Variants in GLB1L3 observed in about 807,000 individuals in gnomAD.
GLB1L3 encodes the protein beta-galactosidase-1-like protein 3.
Under a neutral mutation model 89.5 loss-of-function variants are expected in GLB1L3, and 89 were observed. The ratio of observed to expected loss-of-function variants is 0.99; its 90% CI spans 0.84 to 1.19. GLB1L3 has a LOEUF of 1.19. Ranked by LOEUF, GLB1L3 falls within the 50% of genes most tolerant of loss-of-function variation. The pLI is 0.00. For missense variants in GLB1L3, 812 were observed against 813.3 expected (o/e 1.00, Z 0.02); for synonymous variants, 314 against 312.3 (o/e 1.01, Z -0.06).
chr11:134,316,140 C>T (rs139888735), intron 18 of GLB1L3, among the ~76,000 whole-genome samples: 37 of 152,044 alleles, frequency 2.4e-4, no homozygotes, highest in African/African-American at 7.7e-4. Flanking sequence ...CTTCTCCCAC[C>T]GCCTGGCAAC....
chr11:134,293,400 ACCT>A (rs1228890811), intron 9 of GLB1L3, among the ~76,000 whole-genome samples, 191 bp downstream of exon 9: 1 of 151,788 alleles, frequency 6.6e-6, no homozygotes, highest in African/African-American at 2.4e-5. Context: ...TGCTTGTGTC[ACCT>A]CCGCTTGTGG....
At chr11:134,281,930 C>G in intron 4 of GLB1L3, 95 bp from the exon 5 acceptor site, 1 of 1,033,848 alleles carries the variant, frequency 9.7e-7, no homozygotes, top group Non-Finnish European at 1.4e-6. Flanking sequence ...CCCTTCGCCC[C>G]ACCAGGCAGC....
At position 134,277,686 on chromosome 11, in the gene GLB1L3, C is replaced by T. The variant is rs1940453975; in HGVS notation, c.150-14C>T. ...CTCCCTTTCCACTTTCTTTCCCTCGCCCGCCCCCTCCAGGTTTAATTGGTC... is the reference window on the plus strand; with the variant it reads ...CTCCCTTTCCACTTTCTTTCCCTCGTCCGCCCCCTCCAGGTTTAATTGGTC... On this transcript the variant is annotated splice_polypyrimidine_tract_variant and intron_variant, in intron 2 of 19. Transcript: ENST00000431683. 6.3e-7 allele frequency: 1 copy of T among 1,594,310 alleles called. No individual in the cohort carries two copies. Among genetic ancestry groups the T allele is most frequent in the Non-Finnish European group, 8.5e-7 (1 of 1,169,732 alleles).
intron 18 of GLB1L3, chr11:134,316,655 G>A (rs1351738720): frequency 1.3e-5 from 2 of 152,166 alleles, no homozygotes; most frequent in East Asian, 3.8e-4. Context: ...ATTTTGTAAG[G>A]AGCTGGCAGG....
At chr11:134,281,896 G>C in intron 4 of GLB1L3, 129 bp from the exon 5 acceptor site, 1 of 732,736 alleles carries the variant, frequency 1.4e-6, no homozygotes, top group Non-Finnish European at 2.2e-6. Context: ...GAGTCCCCAC[G>C]CTTTGGGGGT....
intron 9 of GLB1L3, among the ~76,000 whole-genome samples, chr11:134,306,030 G>T (rs544127743): frequency 5.3e-5 from 8 of 152,240 alleles, no homozygotes; most frequent in African/African-American, 1.9e-4. Context: ...AAAGAGCATG[G>T]AGGAAAGGAA....
intron 12 of GLB1L3, 107 bp from the exon 13 acceptor site, chr11:134,310,957 T>G: frequency 1.3e-6 from 1 of 771,514 alleles, no homozygotes; most frequent in Non-Finnish European, 2.2e-6. Flanking sequence ...GATGACATAG[T>G]AACCCCCAAT....
In GLB1L3 at chr11:134,283,775, C is replaced by T. The variant is rs148979023; in HGVS notation, c.566C>T (p.Thr189Ile). ...GACCCCCGGTTACTGTTGAGGACAA[C>T]CAACAAGAGCTTCATTGAAGCAGTT... ...LQDPRLLLRT[T>I]NKSFIEAVEK... Residue 189 changes from threonine (T) to isoleucine (I), a missense_variant, in exon 6 of 20, where the codon ACC becomes ATC. Thr to Ile is a moderately conservative substitution (Grantham distance 89). Around this residue, in one of 3 missense-constraint regions of GLB1L3, gnomAD observed 618 missense variants for 604.0 expected, o/e 1.02. Transcript: ENST00000431683. 5.6e-6 allele frequency: 9 copies of T among 1,612,844 alleles called. No homozygotes were observed. Among genetic ancestry groups the T allele is most frequent in the Non-Finnish European group, 7.6e-6 (9 of 1,179,488 alleles).
At chr11:134,281,132 T>C (rs1940661695) in intron 3 of GLB1L3, among the ~76,000 whole-genome samples, 1 of 152,244 alleles carries the variant, frequency 6.6e-6, no homozygotes, top group South Asian at 2.1e-4. Flanking sequence ...GAAGAATTTA[T>C]ATATAAATCC....
At chr11:134,319,691 CCTCT>C (rs34982949), downstream of GLB1L3, 1,015 of 143,152 alleles carry the variant, frequency 7.1e-3, 16 homozygotes, top group South Asian at 0.051. Context: ...CGGTCTCCCT[CCTCT>C]CTCTCTCTCT....
intron 11 of GLB1L3, chr11:134,310,054 G>A (rs1021841762): frequency 2.1e-6 from 1 of 473,946 alleles, no homozygotes; most frequent in Non-Finnish European, 3.8e-6. Context: ...GGTGACTGCT[G>A]TAAAGGCACA....
intron 9 of GLB1L3, among the ~76,000 whole-genome samples, chr11:134,299,790 G>T (rs552214892): frequency 1.3e-5 from 2 of 152,288 alleles, no homozygotes; most frequent in African/African-American, 2.4e-5. Context: ...GGTCTGAGGG[G>T]TGTGGCCTTT....
In GLB1L3 at chr11:134,312,520, C is replaced by CA. The variant is rs1942784673; in HGVS notation, c.1428+34dup. 3.7e-6 allele frequency: 6 copies of CA among 1,604,744 alleles called. No homozygotes were observed. In the East Asian group the frequency reaches 1.3e-4, roughly 36 times the overall value. On this transcript the variant is annotated intron_variant, in intron 14 of 19. Coordinates refer to ENST00000431683, the MANE Select transcript of GLB1L3 (RefSeq NM_001080407.3). ...GCCAGCAGGCTGTCTGTGTGGGAAG[C>CA]AAAGTGCATCACCTCCCCATGCTGT... is the stretch of plus-strand genomic sequence containing the variant.
chr11:134,295,565 C>A (rs760749675), intron 9 of GLB1L3, among the ~76,000 whole-genome samples: 1 of 151,882 alleles, frequency 6.6e-6, no homozygotes, highest in Non-Finnish European at 1.5e-5. Context: ...AATCAGCTTT[C>A]GGCTTGATTT....
chr11:134,322,530 C>T (rs895790217), downstream of GLB1L3, among the ~76,000 whole-genome samples: 1 of 152,142 alleles, frequency 6.6e-6, no homozygotes, highest in South Asian at 2.1e-4. Context: ...AGAACATTTT[C>T]ATCACTCCAG....
At chr11:134,293,567 G>T (rs1485870149) in intron 9 of GLB1L3, among the ~76,000 whole-genome samples, 2 of 152,094 alleles carry the variant, frequency 1.3e-5, no homozygotes, top group African/African-American at 4.8e-5. Flanking sequence ...AGCCTTTCCC[G>T]CCACAGCTTA....
chr11:134,293,899 G>A (rs1160613042), intron 9 of GLB1L3, among the ~76,000 whole-genome samples: 1 of 152,054 alleles, frequency 6.6e-6, no homozygotes, highest in African/African-American at 2.4e-5. Flanking sequence ...GCCGCTGTGA[G>A]CCTCTGCCTC....
chr11:134,288,407 C>T (rs1026884552), intron 6 of GLB1L3, among the ~76,000 whole-genome samples: 1 of 152,190 alleles, frequency 6.6e-6, no homozygotes, highest in Non-Finnish European at 1.5e-5. Flanking sequence ...GTGCCCAGAG[C>T]CACGTTCCTG....
downstream of GLB1L3, among the ~76,000 whole-genome samples, chr11:134,321,504 G>C (rs1269580527): frequency 6.6e-6 from 1 of 152,134 alleles, no homozygotes; most frequent in Admixed American, 6.5e-5. Context: ...CAGTAGCAAA[G>C]ACTTGGAACC....
Sources: allele counts gnomAD v4.1 joint callset (sites outside exome capture counted in the v4.1 genomes callset), GRCh38; gene constraint gnomAD v4.1.1; regional missense constraint gnomAD v4.1.1; transcripts MANE v1.5; gene names NCBI Gene and HGNC (gene_info 2026-07-23, HGNC 2026-07-21).